Variants in CACNB2 observed in about 807,000 individuals in gnomAD.
CACNB2 encodes the protein voltage-dependent L-type calcium channel subunit beta-2.
Under a neutral mutation model 73.3 loss-of-function variants are expected in CACNB2, and 42 were observed. That is an observed-to-expected ratio of 0.57 (90% CI 0.45 to 0.74). The LOEUF is 0.74. Among genes scored for constraint, CACNB2 ranks in the 30% least tolerant of loss-of-function variants. The pLI, the probability that CACNB2 is intolerant of heterozygous loss-of-function variation, is 0.00. For missense variants in CACNB2, 940 were observed against 853.0 expected (o/e 1.10, Z -1.27); for synonymous variants, 348 against 310.3 (o/e 1.12, Z -1.28).
intron 6 of CACNB2, among the ~76,000 whole-genome samples, chr10:18,508,682 C>G (rs373529093): frequency 1.2e-4 from 18 of 152,286 alleles, no homozygotes; most frequent in East Asian, 1.2e-3. Flanking sequence ...TTACACTTCA[C>G]TAAACCCATC....
intron 3 of CACNB2, among the ~76,000 whole-genome samples, chr10:18,481,890 T>A (rs2048797845): frequency 6.6e-6 from 1 of 151,984 alleles, no homozygotes; most frequent in Non-Finnish European, 1.5e-5. Flanking sequence ...CTGGTCACAA[T>A]TTTTTTTCTG....
At position 18,338,850 on chromosome 10, in the gene CACNB2, C is replaced by T. The variant is rs1446984147; in HGVS notation, c.214-63074C>T. 2.0e-5 allele frequency among the ~76,000 whole-genome samples: 3 copies of T among 151,216 alleles called. No individual in the cohort carries two copies. In the East Asian group the frequency reaches 5.8e-4, roughly 29 times the overall value. ...ACCTCTCAGGTTCAAATGATCCTCC[C>T]AACTCAGCCTCCCAAGTAGCTGGGA... On this transcript the variant is annotated intron_variant, in intron 2 of 13. Coordinates refer to ENST00000324631, the MANE Select transcript of CACNB2 (RefSeq NM_201596.3).
chr10:18,196,319 G>A (rs1404707917), intron 2 of CACNB2, among the ~76,000 whole-genome samples: 1 of 149,012 alleles, frequency 6.7e-6, no homozygotes, highest in Non-Finnish European at 1.5e-5. Flanking sequence ...TTGAGACAGG[G>A]TCTTGCTCTG....
intron 2 of CACNB2, among the ~76,000 whole-genome samples, chr10:18,154,426 G>C (rs1265340185): frequency 6.6e-6 from 1 of 152,020 alleles, no homozygotes; most frequent in East Asian, 1.9e-4. Flanking sequence ...AGGCCTCTGG[G>C]AGTGGGGCTC....
At chr10:18,190,045 G>T (rs2131261449) in intron 2 of CACNB2, among the ~76,000 whole-genome samples, 1 of 152,252 alleles carries the variant, frequency 6.6e-6, no homozygotes, top group East Asian at 1.9e-4. Context: ...GTTTGGACAG[G>T]CACTGGGGAT....
chr10:18,305,381 A>G (rs1391458786), intron 2 of CACNB2, among the ~76,000 whole-genome samples: 1 of 152,236 alleles, frequency 6.6e-6, no homozygotes. Flanking sequence ...GGAGAATAAT[A>G]TAAGGTAAAA....
intron 3 of CACNB2, among the ~76,000 whole-genome samples, chr10:18,432,111 T>C (rs942295116): frequency 1.3e-5 from 2 of 152,158 alleles, no homozygotes; most frequent in East Asian, 1.9e-4. Flanking sequence ...ATTTTAGAAA[T>C]AGAGATGGTG....
chr10:18,282,601 G>A (rs1417949433), intron 2 of CACNB2, among the ~76,000 whole-genome samples: 1 of 152,206 alleles, frequency 6.6e-6, no homozygotes, highest in South Asian at 2.1e-4. Flanking sequence ...TTCATAGAAT[G>A]CTGAGCACTC....
chr10:18,322,959 C>CTTTTT (rs35664294), intron 2 of CACNB2, among the ~76,000 whole-genome samples: 6 of 106,346 alleles, frequency 5.6e-5, no homozygotes, highest in East Asian at 2.6e-4. Context: ...TGGTGATATT[C>CTTTTT]TTTTTTTTTT....
intron 2 of CACNB2, among the ~76,000 whole-genome samples, chr10:18,299,985 G>A (rs1052942923): frequency 2.0e-5 from 3 of 151,572 alleles, no homozygotes; most frequent in African/African-American, 7.3e-5. Flanking sequence ...ACTTTCATAG[G>A]TAGAGCCTCT....
chr10:18,514,277 G>C lies in CACNB2; in HGVS notation c.712G>C (p.Asp238His). ...TACTGGCTTAGATGCAGAAGAAAAT[G>C]ATATTCCAGCAAACCACCGCTCCCC... ...DATGLDAEEN[D>H]IPANHRSPKP... is the part of the protein sequence containing the mutation. The change falls in exon 7 of 14, where the codon GAT (aspartate) becomes CAT (histidine). Residue 238 changes from aspartate (D) to histidine (H), a missense_variant. Asp to His is a moderately conservative substitution (Grantham distance 81). Coordinates refer to ENST00000324631, the MANE Select transcript of CACNB2 (RefSeq NM_201596.3). The C allele has an allele frequency of 6.2e-7, 1 of 1,614,014 alleles. No individual in the cohort carries two copies. Among genetic ancestry groups the C allele is most frequent in the Non-Finnish European group, 8.5e-7 (1 of 1,179,972 alleles).
intron 2 of CACNB2, chr10:18,400,893 C>G (rs1326702452): frequency 6.5e-6 from 10 of 1,539,244 alleles, no homozygotes; most frequent in Non-Finnish European, 8.7e-6. Context: ...GTGAAAGCCC[C>G]GGAGGCAGAA....
At chr10:18,176,992 G>T (rs1444124440) in intron 2 of CACNB2, among the ~76,000 whole-genome samples, 2 of 149,882 alleles carry the variant, frequency 1.3e-5, no homozygotes, top group Non-Finnish European at 3.0e-5. Flanking sequence ...GTGAGGGAGG[G>T]AGGTACCCTC....
At chr10:18,440,438 G>A (rs2046357761) in intron 3 of CACNB2, among the ~76,000 whole-genome samples, 1 of 152,182 alleles carries the variant, frequency 6.6e-6, no homozygotes, top group African/African-American at 2.4e-5. Flanking sequence ...AAGTGTCTGA[G>A]GCGGGAGGAT....
At chr10:18,152,481 G>A (rs890302093) in intron 2 of CACNB2, among the ~76,000 whole-genome samples, 9 of 152,062 alleles carry the variant, frequency 5.9e-5, no homozygotes, top group African/African-American at 2.2e-4. Context: ...AGTGGAAGGT[G>A]TATGCGTTGG....
At chr10:18,357,085 C>T (rs1009401288) in intron 2 of CACNB2, among the ~76,000 whole-genome samples, 2 of 150,370 alleles carry the variant, frequency 1.3e-5, no homozygotes, top group African/African-American at 4.9e-5. Flanking sequence ...GCTGGGACTA[C>T]AGGCGCGCAC....
intron 2 of CACNB2, among the ~76,000 whole-genome samples, chr10:18,245,200 T>C (rs998090721): frequency 6.6e-6 from 1 of 152,108 alleles, no homozygotes; most frequent in Non-Finnish European, 1.5e-5. Context: ...AAAGCAGCAA[T>C]AGCAAACACA....
intron 1 of CACNB2, among the ~76,000 whole-genome samples, chr10:18,145,065 A>G (rs2030822197): frequency 6.6e-6 from 1 of 152,182 alleles, no homozygotes; most frequent in Non-Finnish European, 1.5e-5. Context: ...TCGCACCTGA[A>G]ACTGAACAGA....
intron 3 of CACNB2, among the ~76,000 whole-genome samples, chr10:18,432,140 G>T (rs879269192): frequency 6.6e-6 from 1 of 152,156 alleles, no homozygotes; most frequent in Non-Finnish European, 1.5e-5. Context: ...TCTTAGAGGG[G>T]AGGAAAAGCT....
Sources: gnomAD v4.1 joint callset for allele counts (sites outside exome capture counted in the v4.1 genomes callset) on GRCh38, gnomAD v4.1.1 for gene constraint, MANE v1.5 for transcripts, NCBI Gene and HGNC (gene_info 2026-07-23, HGNC 2026-07-21) for gene names.